PPDPFL: variants seen among roughly 807,000 people sequenced by gnomAD.
The protein encoded by PPDPFL is pancreatic progenitor cell differentiation and proliferation factor-like protein.
In PPDPFL, 12 loss-of-function variants were observed where a neutral mutation model predicts 12.6. That is an observed-to-expected ratio of 0.95 (90% CI 0.61 to 1.54). PPDPFL has a LOEUF of 1.54. Among genes scored for constraint, PPDPFL ranks in the 40% most tolerant of loss-of-function variants. The probability of loss-of-function intolerance (pLI) is 0.00; values close to 1 mark genes in which losing one functional copy is unlikely to be tolerated. For synonymous variants in PPDPFL, 24 were observed against 32.7 expected (o/e 0.73, Z 0.91); for missense variants, 114 against 96.0 (o/e 1.19, Z -0.78).
At chr8:49,074,168 A>T (rs1189347796) in intron 3 of PPDPFL, 32 bp downstream of exon 3, 4 of 1,602,442 alleles carry the variant, frequency 2.5e-6, no homozygotes, top group East Asian at 2.2e-5. Flanking sequence ...TGTCATCCTT[A>T]TTATTTCTTT....
At chr8:49,063,345 C>G (rs1347940691) in intron 1 of PPDPFL, among the ~76,000 whole-genome samples, 3 of 152,162 alleles carry the variant, frequency 2.0e-5, no homozygotes, top group African/African-American at 7.2e-5. Context: ...CTTCCACCTG[C>G]CCCATGTCAT....
chr8:49,060,936 T>C (rs1808190514), intron 1 of PPDPFL, among the ~76,000 whole-genome samples: 2 of 152,162 alleles, frequency 1.3e-5, no homozygotes. Context: ...GAACAGGTGA[T>C]GCTCAAGGAC....
intron 1 of PPDPFL, among the ~76,000 whole-genome samples, chr8:49,054,975 G>A (rs1370292631): frequency 3.3e-5 from 5 of 152,000 alleles, no homozygotes; most frequent in Non-Finnish European, 7.4e-5. Flanking sequence ...TTTAATTCTG[G>A]CTGAGGCCAG....
At chr8:49,064,588 CACTT>C (rs1563298994) in intron 1 of PPDPFL, among the ~76,000 whole-genome samples, 2 of 152,168 alleles carry the variant, frequency 1.3e-5, no homozygotes, top group African/African-American at 4.8e-5. Flanking sequence ...GAGGCCCACT[CACTT>C]CAGTCCAGCA....
At chr8:49,070,375 T>G (rs1416760807), upstream of PPDPFL, among the ~76,000 whole-genome samples, 2 of 152,202 alleles carry the variant, frequency 1.3e-5, no homozygotes, top group African/African-American at 2.4e-5. Context: ...CCTGCACATG[T>G]ACCCTTGAAC....
At position 49,075,403 on chromosome 8, in the gene PPDPFL, TAAA is replaced by T; in HGVS notation, c.*235_*237del. On this transcript the variant is annotated 3_prime_UTR_variant, in exon 5 of 5. Coordinates refer to ENST00000522267, the MANE Select transcript of PPDPFL (RefSeq NM_001256597.2). The stretch of plus-strand genomic sequence containing the variant: ...GACAAGATCACAGCAGCCACTGATA[TAAA>T]AAAAGTTTAGGCATTTTTCTCAACA... 1.1e-6 allele frequency: 1 copy of T among 889,216 alleles called. No homozygotes were observed. The highest frequency in any genetic ancestry group is 1.8e-6 in the Non-Finnish European group (1 of 554,162). 55.1% of individuals were successfully genotyped at this position (889,216 alleles called of 1,614,324 possible).
At chr8:49,070,712 AT>A (rs1315299203), upstream of PPDPFL, among the ~76,000 whole-genome samples, 3 of 152,186 alleles carry the variant, frequency 2.0e-5, no homozygotes, top group African/African-American at 4.8e-5. Flanking sequence ...TGAAGTAGAT[AT>A]TTATTATTTG....
At chr8:49,072,285 C>T (rs1168669002), upstream of PPDPFL, 2 of 152,526 alleles carry the variant, frequency 1.3e-5, no homozygotes, top group African/African-American at 2.4e-5. Context: ...TCACCCACAG[C>T]TCAGGTTCCA....
chr8:49,070,184 T>A (rs1053837823), upstream of PPDPFL, among the ~76,000 whole-genome samples: 5 of 151,846 alleles, frequency 3.3e-5, no homozygotes, highest in Admixed American at 6.6e-5. Context: ...AAAGTGGGAG[T>A]TAAATAATGA....
chr8:49,064,744 G>A (rs1808268404), intron 1 of PPDPFL, among the ~76,000 whole-genome samples: 1 of 152,168 alleles, frequency 6.6e-6, no homozygotes, highest in African/African-American at 2.4e-5. Flanking sequence ...GATGCACTCT[G>A]CATTTCATAG....
At chr8:49,058,855 C>T (rs2129243581) in intron 1 of PPDPFL, among the ~76,000 whole-genome samples, 1 of 152,318 alleles carries the variant, frequency 6.6e-6, no homozygotes, top group African/African-American at 2.4e-5. Context: ...CCACCTCCAC[C>T]CACTTTGATG....
At chr8:49,055,606 C>T (rs75130450) in intron 1 of PPDPFL, among the ~76,000 whole-genome samples, 2,278 of 152,186 alleles carry the variant, frequency 0.015, 56 homozygotes, top group African/African-American at 0.051. Flanking sequence ...GAAGTAATAT[C>T]TGTGAATAAT....
At chr8:49,074,190 C>A in intron 3 of PPDPFL, 44 bp from the exon 4 acceptor site, 1 of 1,602,856 alleles carries the variant, frequency 6.2e-7, no homozygotes, top group Non-Finnish European at 8.5e-7. Context: ...TATTTTCAAT[C>A]TCAAATTTGT....
At chr8:49,061,071 T>G (rs1350864451) in intron 1 of PPDPFL, among the ~76,000 whole-genome samples, 1 of 152,030 alleles carries the variant, frequency 6.6e-6, no homozygotes, top group African/African-American at 2.4e-5. Flanking sequence ...GCTGGCAGTG[T>G]GGACCCTGTC....
intron 1 of PPDPFL, among the ~76,000 whole-genome samples, chr8:49,055,943 T>C (rs1808105960): frequency 6.6e-6 from 1 of 152,200 alleles, no homozygotes; most frequent in South Asian, 2.1e-4. Context: ...GTTCAATCTT[T>C]TGTTATCGCT....
At chr8:49,074,987 T>G in intron 4 of PPDPFL, 165 bp from the exon 5 acceptor site, 1 of 1,379,512 alleles carries the variant, frequency 7.2e-7, no homozygotes, top group South Asian at 1.5e-5. Flanking sequence ...GAATCATTAT[T>G]TAAAATTAGA....
Position 49,074,420 on chromosome 8 carries a change from G to A in PPDPFL, c.233+87G>A, listed in dbSNP as rs1455503906. The stretch of plus-strand genomic sequence containing the variant: ...GTATGTGTTATGCTACTCACTTAGG[G>A]TACATAGTTGTCTCTTGAGAGCAGT... On this transcript the variant is annotated intron_variant, in intron 4 of 4. Transcript: ENST00000522267. The A allele has an allele frequency of 4.5e-6, 7 of 1,564,672 alleles. No homozygotes were observed. The African/African-American group carries it at 9.5e-5, about 21-fold the overall frequency.
At chr8:49,067,603 G>GA (rs1271923833), upstream of PPDPFL, among the ~76,000 whole-genome samples, 3 of 152,322 alleles carry the variant, frequency 2.0e-5, no homozygotes, top group Non-Finnish European at 4.4e-5. Context: ...CCATGCTCCA[G>GA]AAAGCAGCAA....
intron 1 of PPDPFL, among the ~76,000 whole-genome samples, chr8:49,063,462 G>A (rs1207480352): frequency 1.3e-5 from 2 of 152,200 alleles, no homozygotes; most frequent in African/African-American, 4.8e-5. Flanking sequence ...TCTCATGCCT[G>A]TAGTCCCAGC....
Sources: allele counts gnomAD v4.1 joint callset (sites outside exome capture counted in the v4.1 genomes callset), GRCh38; gene constraint gnomAD v4.1.1; transcripts MANE v1.5; gene names NCBI Gene and HGNC (gene_info 2026-07-23, HGNC 2026-07-21).